The following PTPRM variants were observed in gnomAD, a reference collection of about 807,000 sequenced individuals.
PTPRM encodes protein tyrosine phosphatase receptor type M.
A neutral mutation model predicts 186.7 loss-of-function variants in PTPRM; 47 were observed. That is an observed-to-expected ratio of 0.25 (90% CI 0.20 to 0.32). PTPRM has a LOEUF of 0.32. Ranked by LOEUF, PTPRM falls within the 10% of genes least tolerant of loss-of-function variation. The pLI is 1.00. For synonymous variants in PTPRM, 668 were observed against 674.9 expected (o/e 0.99, Z 0.16); for missense variants, 1,494 against 1,865.0 (o/e 0.80, Z 3.66).
chr18:7,609,304 A>G (rs1418880236), intron 1 of PTPRM, among the ~76,000 whole-genome samples: 2 of 152,030 alleles, frequency 1.3e-5, no homozygotes, highest in African/African-American at 2.4e-5. Context: ...TGATGAGACA[A>G]AGTTCCCAGC....
At chr18:8,196,338 G>A (rs1218296590) in intron 14 of PTPRM, among the ~76,000 whole-genome samples, 1 of 152,184 alleles carries the variant, frequency 6.6e-6, no homozygotes, top group African/African-American at 2.4e-5. Flanking sequence ...ATTTTCAGGT[G>A]AAGTCCTATA....
At chr18:8,147,746 A>C (rs1353584152) in intron 14 of PTPRM, among the ~76,000 whole-genome samples, 1 of 152,182 alleles carries the variant, frequency 6.6e-6, no homozygotes, top group Non-Finnish European at 1.5e-5. Flanking sequence ...GAGTGCTTCC[A>C]ACTTTTGCCC....
At chr18:7,873,598 C>A (rs1369357550) in intron 2 of PTPRM, among the ~76,000 whole-genome samples, 1 of 152,140 alleles carries the variant, frequency 6.6e-6, no homozygotes, top group Admixed American at 6.5e-5. Context: ...AACAGTAACA[C>A]CACCACCACC....
intron 20 of PTPRM, 107 bp from the exon 21 acceptor site, chr18:8,314,672 CAG>C: frequency 7.8e-6 from 5 of 638,862 alleles, no homozygotes; most frequent in South Asian, 4.2e-5. Context: ...ATCTTTAAAG[CAG>C]AGTGTCTGTG....
chr18:7,846,675 T>C (rs1025307967), intron 2 of PTPRM, among the ~76,000 whole-genome samples: 1 of 152,204 alleles, frequency 6.6e-6, no homozygotes, highest in Non-Finnish European at 1.5e-5. Context: ...CTGATTTGCC[T>C]AGGGAAGCGC....
At chr18:8,018,824 T>C (rs1326270392) in intron 7 of PTPRM, among the ~76,000 whole-genome samples, 1 of 152,174 alleles carries the variant, frequency 6.6e-6, no homozygotes, top group East Asian at 1.9e-4. Context: ...AGATTAATAG[T>C]AGCATGGCCT....
intron 7 of PTPRM, among the ~76,000 whole-genome samples, chr18:7,998,173 G>C (rs1170399062): frequency 6.6e-6 from 1 of 152,032 alleles, no homozygotes; most frequent in Non-Finnish European, 1.5e-5. Flanking sequence ...AAAATATAGT[G>C]TATACACAAA....
intron 2 of PTPRM, among the ~76,000 whole-genome samples, chr18:7,871,973 T>C (rs1221608340): frequency 6.6e-6 from 1 of 152,198 alleles, no homozygotes; most frequent in Admixed American, 6.5e-5. Flanking sequence ...AAAGAAAAAG[T>C]GTTTCTGCCA....
At chr18:8,211,381 T>C (rs1348994824) in intron 14 of PTPRM, among the ~76,000 whole-genome samples, 3 of 129,852 alleles carry the variant, frequency 2.3e-5, no homozygotes, top group Non-Finnish European at 3.4e-5. Flanking sequence ...CTTCTTCTTT[T>C]TTTTTTTTTT....
intron 7 of PTPRM, among the ~76,000 whole-genome samples, chr18:8,004,361 A>T (rs1290591061): frequency 6.6e-6 from 1 of 152,070 alleles, no homozygotes; most frequent in Non-Finnish European, 1.5e-5. Flanking sequence ...TGTCTGCCTT[A>T]TAGGGAATTG....
intron 7 of PTPRM, among the ~76,000 whole-genome samples, chr18:7,963,145 T>C (rs1454869635): frequency 6.6e-6 from 1 of 152,262 alleles, no homozygotes; most frequent in Non-Finnish European, 1.5e-5. Flanking sequence ...CCTATTATGC[T>C]GCAGATGTCA....
Position 8,294,400 on chromosome 18 carries a change from G to A in PTPRM, c.2755-1968G>A, listed in dbSNP as rs147555446. 2.4e-4 allele frequency among the ~76,000 whole-genome samples: 36 copies of A among 152,282 alleles called. 1 individual carries two copies. The highest frequency in any genetic ancestry group is 5.9e-4 in the Admixed American group (9 of 15,302). On this transcript the variant is annotated intron_variant, in intron 19 of 32. Transcript: ENST00000580170. ...AAGCAAACACGTCCTTCTTCACCTC[G>A]TGACAGCAAGGAAGAGTGCCGAGTG... is the stretch of plus-strand genomic sequence containing the variant.
chr18:7,983,814 T>G lies in PTPRM; in HGVS notation c.1132+28400T>G, dbSNP rs958158203. Reference sequence around the variant, plus strand: ...CTTATTTAATGTGTGTTTAGCTGCTTTAGCTGCTTTACTGTCACATAAAAA... The same window carrying G: ...CTTATTTAATGTGTGTTTAGCTGCTGTAGCTGCTTTACTGTCACATAAAAA... On this transcript the variant is annotated intron_variant, in intron 7 of 32. Coordinates refer to ENST00000580170, the MANE Select transcript of PTPRM (RefSeq NM_001105244.2). Among the ~76,000 whole-genome samples, 7 of 152,200 alleles carry G rather than the reference T, an allele frequency of 4.6e-5. No homozygotes were observed. In the East Asian group the frequency reaches 1.4e-3, roughly 29 times the overall value.
chr18:7,605,108 T>C (rs2037498158), intron 1 of PTPRM, among the ~76,000 whole-genome samples: 1 of 152,224 alleles, frequency 6.6e-6, no homozygotes, highest in Non-Finnish European at 1.5e-5. Context: ...TTGGCTTCCC[T>C]GGGCCGTGTT....
chr18:7,838,550 G>T (rs908539063), intron 2 of PTPRM, among the ~76,000 whole-genome samples: 15 of 152,232 alleles, frequency 9.9e-5, no homozygotes, highest in African/African-American at 3.1e-4. Flanking sequence ...AAGCCACCTG[G>T]AGCTGAGGGT....
chr18:7,894,037 A>C (rs1051758676), intron 3 of PTPRM, among the ~76,000 whole-genome samples: 4 of 152,148 alleles, frequency 2.6e-5, no homozygotes, highest in Non-Finnish European at 5.9e-5. Context: ...AAACAAAAAA[A>C]CAATAAGCTC....
chr18:8,229,021 A>G (rs2147137773), intron 14 of PTPRM, among the ~76,000 whole-genome samples: 1 of 152,204 alleles, frequency 6.6e-6, no homozygotes, highest in Middle Eastern at 3.4e-3. Context: ...CTGAGCTGGA[A>G]CCTTCAGGAT....
At chr18:8,372,056 CTTTTT>C (rs557766971) in intron 24 of PTPRM, among the ~76,000 whole-genome samples, 2,415 of 58,992 alleles carry the variant, frequency 0.041, 213 homozygotes, top group East Asian at 0.13. Context: ...ACTCTATATT[CTTTTT>C]TTTTTTTTTT....
intron 26 of PTPRM, chr18:8,378,016 A>T (rs2095707630): frequency 2.7e-6 from 1 of 366,044 alleles, no homozygotes; most frequent in African/African-American, 2.1e-5. Context: ...AGAATGACAG[A>T]GGTCTTCAGC....
Sources: allele counts gnomAD v4.1 joint callset (sites outside exome capture counted in the v4.1 genomes callset), GRCh38; gene constraint gnomAD v4.1.1; transcripts MANE v1.5; gene names NCBI Gene and HGNC (gene_info 2026-07-23, HGNC 2026-07-21).